Variants in PCDHGA1 observed in about 807,000 individuals in gnomAD.
PCDHGA1 encodes the protein protocadherin gamma subfamily A, 1.
In PCDHGA1, 32 loss-of-function variants were observed where a neutral mutation model predicts 58.0. The observed-to-expected ratio is 0.55, with a 90% CI of 0.42 to 0.74. PCDHGA1 has a LOEUF of 0.74. PCDHGA1 is among the 30% of genes least tolerant of loss of function. The pLI, the probability that PCDHGA1 is intolerant of heterozygous loss-of-function variation, is 0.00. For missense variants in PCDHGA1, 1,205 were observed against 1,182.3 expected (o/e 1.02, Z -0.28); for synonymous variants, 498 against 501.1 (o/e 0.99, Z 0.08).
At chr5:141,371,053 C>T (rs749864646) in intron 1 of PCDHGA1, 2 of 1,613,924 alleles carry the variant, frequency 1.2e-6, no homozygotes, top group Non-Finnish European at 1.7e-6. Flanking sequence ...GGGGGCGAGC[C>T]CTCCAGAAGC....
At chr5:141,404,752 G>A (rs774409689) in intron 1 of PCDHGA1, 1 of 1,614,010 alleles carries the variant, frequency 6.2e-7, no homozygotes, top group Non-Finnish European at 8.5e-7. Context: ...ACTCAGGCCA[G>A]AATGCTTGGC....
chr5:141,461,303 G>T (rs1390421489), intron 1 of PCDHGA1, among the ~76,000 whole-genome samples: 2 of 152,074 alleles, frequency 1.3e-5, no homozygotes, highest in Non-Finnish European at 2.9e-5. Flanking sequence ...AACATCTATT[G>T]TTTTTTGACT....
At position 141,431,612 on chromosome 5, in the gene PCDHGA1, G is replaced by A. The variant is rs79883194; in HGVS notation, c.2422-63195G>A. 1.9e-6 allele frequency: 3 copies of A among 1,614,126 alleles called. No homozygotes were observed. The highest frequency in any genetic ancestry group is 2.5e-6 in the Non-Finnish European group (3 of 1,180,052). ...AGTGAGGTATTCCTTCCGGTATGTG[G>A]ACGACAAGGCGGCCCAAGTTTTCAA... On this transcript the variant is annotated intron_variant, in intron 1 of 3. Coordinates refer to ENST00000517417, the MANE Select transcript of PCDHGA1 (RefSeq NM_018912.3). This position sits in a 1 kb window ranked among gnomAD's most constrained non-coding sequence, Gnocchi z 4.8.
intron 1 of PCDHGA1, chr5:141,441,868 C>A: frequency 3.0e-6 from 1 of 338,212 alleles, no homozygotes; most frequent in Non-Finnish European, 5.8e-6. Flanking sequence ...CGCCGCGGAG[C>A]CTGGCTACCT....
At chr5:141,354,764 GA>G (rs1350368707) in intron 1 of PCDHGA1, among the ~76,000 whole-genome samples, 1 of 151,990 alleles carries the variant, frequency 6.6e-6, no homozygotes, top group South Asian at 2.1e-4. Context: ...CACATCTTAG[GA>G]AAAAAATCGT....
At chr5:141,371,995 C>T in intron 1 of PCDHGA1, 2 of 1,613,264 alleles carry the variant, frequency 1.2e-6, no homozygotes, top group Non-Finnish European at 1.7e-6. Context: ...ACTCTGCAGG[C>T]CCGCGACCAG....
intron 1 of PCDHGA1, chr5:141,419,481 C>A (rs2096389716): frequency 2.5e-6 from 4 of 1,612,424 alleles, no homozygotes; most frequent in Non-Finnish European, 3.4e-6. Context: ...GGCTCGCCCG[C>A]GCTCAGCGCC....
At chr5:141,409,638 C>A (rs1040366842) in intron 1 of PCDHGA1, 1 of 1,613,648 alleles carries the variant, frequency 6.2e-7, no homozygotes, top group Admixed American at 1.7e-5. Flanking sequence ...GCCTCTGACC[C>A]GGATTTGGGG....
At position 141,372,683 on chromosome 5, in the gene PCDHGA1, C is replaced by T. The variant is rs764987054; in HGVS notation, c.2421+39578C>T. On this transcript the variant is annotated intron_variant, in intron 1 of 3. Coordinates refer to ENST00000517417, the MANE Select transcript of PCDHGA1 (RefSeq NM_018912.3). The stretch of plus-strand genomic sequence containing the variant: ...GTGCTGCCTCACATTCCTCAAACAC[C>T]GAGTTTAAATTTCTCAATATAAAGG... The T allele has an allele frequency of 1.9e-6, 3 of 1,613,826 alleles. No homozygotes were observed. In the African/African-American group the frequency reaches 4.0e-5, roughly 22 times the overall value.
At chr5:141,419,640 T>C (rs2096410171) in intron 1 of PCDHGA1, 2 of 1,612,532 alleles carry the variant, frequency 1.2e-6, no homozygotes. Context: ...GTGGTGGCCG[T>C]GGACGCGGAC....
In PCDHGA1 at chr5:141,510,915, A is replaced by G; in HGVS notation, c.2570-32A>G. 8 of 1,613,786 alleles carry G rather than the reference A, an allele frequency of 5.0e-6. No individual in the cohort carries two copies. The South Asian group carries it at 8.8e-5, about 18-fold the overall frequency. ...AGTGACTGTTGAGGACCCTAAGTTT[A>G]GCTCCCACCTGATCTTCCTCTGTCT... On this transcript the variant is annotated intron_variant, in intron 3 of 3. Coordinates refer to ENST00000517417, the MANE Select transcript of PCDHGA1 (RefSeq NM_018912.3).
Position 141,486,515 on chromosome 5 carries a change from G to A in PCDHGA1, c.2422-8292G>A. ...AACTATTTTCCTCAATATTTCAGAT[G>A]TGAATGATAATCCACCCTCTTTCTT... On this transcript the variant is annotated intron_variant, in intron 1 of 3. Transcript: ENST00000517417. This position sits in a 1 kb window ranked among gnomAD's most constrained non-coding sequence, Gnocchi z 5.0. 1 of 1,614,172 alleles carries A rather than the reference G, an allele frequency of 6.2e-7. No individual in the cohort carries two copies. The highest frequency in any genetic ancestry group is 8.5e-7 in the Non-Finnish European group (1 of 1,180,026).
intron 1 of PCDHGA1, chr5:141,428,659 G>A: frequency 6.1e-6 from 1 of 164,982 alleles, no homozygotes; most frequent in East Asian, 1.8e-4. Context: ...GAGTTCCAAT[G>A]AATGTCTTTC....
At chr5:141,501,602 A>T (rs766918685) in intron 2 of PCDHGA1, among the ~76,000 whole-genome samples, 1 of 152,026 alleles carries the variant, frequency 6.6e-6, no homozygotes. Flanking sequence ...TACCAGTTCC[A>T]GCTGTGTGAC....
intron 1 of PCDHGA1, chr5:141,357,059 G>A: frequency 6.2e-7 from 1 of 1,613,980 alleles, no homozygotes; most frequent in South Asian, 1.1e-5. Flanking sequence ...TTTGCAGTGG[G>A]GCTGCACACA....
chr5:141,482,995 G>A (rs1395482427), intron 1 of PCDHGA1, among the ~76,000 whole-genome samples: 1 of 152,048 alleles, frequency 6.6e-6, no homozygotes, highest in Non-Finnish European at 1.5e-5. Flanking sequence ...CGAGGCAGGA[G>A]AATTGCTTGA....
Position 141,384,980 on chromosome 5 carries a change from T to A in PCDHGA1, c.2421+51875T>A, listed in dbSNP as rs772144829. The A allele has an allele frequency of 1.1e-5, 18 of 1,614,040 alleles. No individual in the cohort carries two copies. In the South Asian group the frequency reaches 1.6e-4, roughly 15 times the overall value. On this transcript the variant is annotated intron_variant, in intron 1 of 3. Coordinates refer to ENST00000517417, the MANE Select transcript of PCDHGA1 (RefSeq NM_018912.3). Reference sequence around the variant, plus strand: ...AACTATGACCTCACGTTGTACCTGGTGGTGGCGGTGGCCACAGTCTCCTGC... The same window carrying A: ...AACTATGACCTCACGTTGTACCTGGAGGTGGCGGTGGCCACAGTCTCCTGC...
chr5:141,344,885 G>A (rs1228850161), intron 1 of PCDHGA1: 2 of 1,613,908 alleles, frequency 1.2e-6, no homozygotes, highest in South Asian at 2.2e-5. Context: ...TAGATAAAAT[G>A]CCTGGGAAAA....
intron 1 of PCDHGA1, chr5:141,360,993 A>G: frequency 1.2e-6 from 2 of 1,613,632 alleles, no homozygotes; most frequent in Non-Finnish European, 1.7e-6. Context: ...ATGTGGACGA[A>G]CAAGTGAAAC....
Sources: allele counts gnomAD v4.1 joint callset (sites outside exome capture counted in the v4.1 genomes callset), GRCh38; gene constraint gnomAD v4.1.1; non-coding constraint Gnocchi (gnomAD v3.1); transcripts MANE v1.5; gene names NCBI Gene and HGNC (gene_info 2026-07-23, HGNC 2026-07-21).